Variants in EDIL3 observed in about 807,000 individuals in gnomAD.
EDIL3 encodes EGF-like repeat and discoidin I-like domain-containing protein 3.
Under a neutral mutation model 67.4 loss-of-function variants are expected in EDIL3, and 37 were observed. The ratio of observed to expected loss-of-function variants is 0.55; its 90% confidence interval spans 0.42 to 0.72. The LOEUF (loss-of-function observed/expected upper bound fraction) is 0.72, where lower values mean the gene tolerates loss of function less well. EDIL3 is among the 30% of genes least tolerant of loss of function. EDIL3 has a pLI of 0.00. For missense variants in EDIL3, 527 were observed against 586.3 expected (o/e 0.90, Z 1.04); for synonymous variants, 195 against 196.3 (o/e 0.99, Z 0.05).
intron 3 of EDIL3, among the ~76,000 whole-genome samples, chr5:84,208,890 A>T (rs1208181778): frequency 4.6e-5 from 7 of 151,982 alleles, no homozygotes; most frequent in Non-Finnish European, 8.8e-5. Context: ...TACCCAAAGG[A>T]CTATAAATCA....
At chr5:84,195,257 T>C (rs1743682547) in intron 3 of EDIL3, among the ~76,000 whole-genome samples, 1 of 151,952 alleles carries the variant, frequency 6.6e-6, no homozygotes, top group African/African-American at 2.4e-5. Flanking sequence ...GAGAAGTCTT[T>C]TGTCAATAAA....
intron 1 of EDIL3, among the ~76,000 whole-genome samples, chr5:84,345,208 G>A (rs1747213931): frequency 1.3e-5 from 2 of 152,018 alleles, no homozygotes. Context: ...GGTAACCTAT[G>A]TCATTAGTTC....
At chr5:84,210,239 G>C (rs1378032220) in intron 3 of EDIL3, among the ~76,000 whole-genome samples, 3 of 151,940 alleles carry the variant, frequency 2.0e-5, no homozygotes, top group African/African-American at 7.2e-5. Context: ...AAAACAAGTC[G>C]ATTTTATCAG....
chr5:84,208,827 G>A (rs1308753255), intron 3 of EDIL3, among the ~76,000 whole-genome samples: 2 of 151,420 alleles, frequency 1.3e-5, no homozygotes, highest in Non-Finnish European at 3.0e-5. Flanking sequence ...CGATTCCTCA[G>A]GGATCTAGAA....
intron 4 of EDIL3, among the ~76,000 whole-genome samples, chr5:84,155,515 G>A (rs1233574391): frequency 2.6e-5 from 4 of 152,012 alleles, no homozygotes; most frequent in East Asian, 1.9e-4. Context: ...GTATTCCAAC[G>A]TAACGTTATT....
At chr5:84,288,987 T>C (rs988591489) in intron 1 of EDIL3, among the ~76,000 whole-genome samples, 33 of 152,132 alleles carry the variant, frequency 2.2e-4, no homozygotes, top group Admixed American at 1.3e-4. Context: ...AAGCAACGTA[T>C]AGTGTGGAGC....
chr5:84,014,754 CAAAT>C (rs1167802576), intron 9 of EDIL3, among the ~76,000 whole-genome samples: 1 of 152,102 alleles, frequency 6.6e-6, no homozygotes, highest in African/African-American at 2.4e-5. Context: ...ACCACTTTAA[CAAAT>C]AACCCAGTAT....
At chr5:84,023,827 T>C (rs1345631039) in intron 9 of EDIL3, among the ~76,000 whole-genome samples, 1 of 152,126 alleles carries the variant, frequency 6.6e-6, no homozygotes, top group Non-Finnish European at 1.5e-5. Flanking sequence ...ATCTCATTAT[T>C]AATGAAAAAA....
chr5:84,306,004 T>C (rs1393212004), intron 1 of EDIL3, among the ~76,000 whole-genome samples: 6 of 152,066 alleles, frequency 3.9e-5, no homozygotes. Context: ...GATCTACAAA[T>C]GAACAAATTC....
chr5:84,041,639 T>A (rs1746125580), intron 9 of EDIL3, among the ~76,000 whole-genome samples: 1 of 146,556 alleles, frequency 6.8e-6, no homozygotes, highest in Non-Finnish European at 1.5e-5. Flanking sequence ...CATATACATA[T>A]ACTTACATAT....
chr5:84,051,881 G>C (rs993050814), intron 9 of EDIL3, among the ~76,000 whole-genome samples: 5 of 152,210 alleles, frequency 3.3e-5, no homozygotes, highest in African/African-American at 7.2e-5. Flanking sequence ...TTGGAAAACA[G>C]TCTGCAGGAT....
At chr5:84,092,143 C>A (rs1030542544) in intron 6 of EDIL3, among the ~76,000 whole-genome samples, 2 of 152,066 alleles carry the variant, frequency 1.3e-5, no homozygotes, top group Admixed American at 1.3e-4. Context: ...AGTGAATTTG[C>A]CATGAATGTG....
chr5:84,309,313 G>GT, intron 1 of EDIL3, among the ~76,000 whole-genome samples: 3,566 of 89,208 alleles, frequency 0.04, 80 homozygotes, highest in African/African-American at 0.089. Context: ...TTTTTTCTTT[G>GT]TTTTTTTTTT....
intron 2 of EDIL3, among the ~76,000 whole-genome samples, chr5:84,253,529 T>G (rs923090853): frequency 6.6e-6 from 1 of 152,190 alleles, no homozygotes; most frequent in African/African-American, 2.4e-5. Flanking sequence ...TTTAAAAAAC[T>G]ATTTGAATGT....
intron 4 of EDIL3, among the ~76,000 whole-genome samples, chr5:84,168,582 T>C (rs1748755629): frequency 1.3e-5 from 2 of 152,144 alleles, no homozygotes; most frequent in South Asian, 4.1e-4. Context: ...CCCACATCTA[T>C]AGTAAAAAGT....
At chr5:84,304,550 C>G (rs919572499) in intron 1 of EDIL3, among the ~76,000 whole-genome samples, 1 of 152,166 alleles carries the variant, frequency 6.6e-6, no homozygotes, top group South Asian at 2.1e-4. Context: ...GAAAAAAGTT[C>G]TAGTTCTATG....
intron 3 of EDIL3, among the ~76,000 whole-genome samples, chr5:84,186,724 C>T (rs763797751): frequency 2.6e-5 from 4 of 151,998 alleles, no homozygotes; most frequent in Non-Finnish European, 5.9e-5. Context: ...CATACCAGCA[C>T]ACACGCACAC....
chr5:84,027,530 T>C (rs1003182300), intron 9 of EDIL3, among the ~76,000 whole-genome samples: 2 of 136,558 alleles, frequency 1.5e-5, no homozygotes, highest in Non-Finnish European at 3.3e-5. Context: ...TAGTGCTTTT[T>C]ATGGGACACC....
intron 1 of EDIL3, among the ~76,000 whole-genome samples, chr5:84,318,855 G>A (rs771206944): frequency 2.6e-5 from 4 of 152,060 alleles, no homozygotes; most frequent in Non-Finnish European, 4.4e-5. Flanking sequence ...GAAACTATCA[G>A]CAGAGCGAAC....
Sources: allele counts gnomAD v4.1 joint callset (sites outside exome capture counted in the v4.1 genomes callset), GRCh38; gene constraint gnomAD v4.1.1; transcripts MANE v1.5; gene names NCBI Gene and HGNC (gene_info 2026-07-23, HGNC 2026-07-21).